SSUH2: variants seen among roughly 807,000 people sequenced by gnomAD.
SSUH2 encodes the protein ssu-2 homolog.
SSUH2 carries 47 observed loss-of-function variants against 55.3 expected under a neutral mutation model. That is an observed-to-expected ratio of 0.85 (90% CI 0.67 to 1.08). SSUH2 has a LOEUF of 1.08. SSUH2 is among the 50% of genes least tolerant of loss of function. SSUH2 has a pLI of 0.00. For synonymous variants in SSUH2, 212 were observed against 191.5 expected, an observed-to-expected ratio of 1.11 and a Z score of -0.89; for missense variants, 535 against 490.7, an observed-to-expected ratio of 1.09 and a Z score of -0.85.
intron 5 of SSUH2, among the ~76,000 whole-genome samples, chr3:8,666,408 C>A (rs1004585391): frequency 6.6e-6 from 1 of 152,144 alleles, no homozygotes; most frequent in Non-Finnish European, 1.5e-5. Flanking sequence ...TTAGGCTGGG[C>A]TCCTGAGATG....
chr3:8,640,138 T>C (rs1700592177), intron 1 of SSUH2: 1 of 346,876 alleles, frequency 2.9e-6, no homozygotes, highest in Non-Finnish European at 4.0e-6. Context: ...GTGAAAGGGG[T>C]TCCAGAGAAG....
intron 3 of SSUH2, among the ~76,000 whole-genome samples, chr3:8,672,806 A>G (rs1575383493): frequency 6.6e-6 from 1 of 152,160 alleles, no homozygotes; most frequent in Non-Finnish European, 1.5e-5. Context: ...ATGAGGAGGA[A>G]TATCACCAGG....
Position 8,679,127 on chromosome 3 carries a change from CG to C in SSUH2, c.-901+577del, listed in dbSNP as rs1553607037. 2.7e-4 allele frequency among the ~76,000 whole-genome samples: 23 copies of C among 85,978 alleles called. 7 individuals are homozygous for C. Among genetic ancestry groups the C allele is most frequent in the Admixed American group, 2.4e-3 (22 of 8,994 alleles). 56.4% of individuals were successfully genotyped at this position (85,978 alleles called of 152,430 possible). On this transcript the variant is annotated intron_variant, in intron 2 of 18. Transcript: ENST00000317371. ...CCCCTGGCTCTTAGGACCCAAATTG[CG>C]GGGGGGAGGCACCCCCGCGAGGCGG...
Position 8,635,816 on chromosome 3 carries a change from G to A in SSUH2, c.70C>T (p.Pro24Ser), listed in dbSNP as rs1292187213. The change falls in exon 2 of 12, where the codon CCC (proline) becomes TCC (serine). Residue 24 changes from proline to serine, a missense_variant. Coordinates refer to ENST00000544814, the MANE Select transcript of SSUH2 (RefSeq NM_001256748.3). ...LSFEAESPLAPPTELLERLPS... is the reference protein window; with the variant it reads ...LSFEAESPLASPTELLERLPS... ...AGTCTCTCCAGGAGCTCTGTGGGGG[G>A]CGCCAGAGGACTCTCGGCCTCAAAA... 6.5e-7 allele frequency: 1 copy of A among 1,536,018 alleles called. No homozygotes were observed. Among genetic ancestry groups the A allele is most frequent in the Non-Finnish European group, 8.7e-7 (1 of 1,146,860 alleles).
chr3:8,676,213 C>T (rs1394610189), intron 3 of SSUH2, among the ~76,000 whole-genome samples: 1 of 151,912 alleles, frequency 6.6e-6, no homozygotes, highest in Non-Finnish European at 1.5e-5. Context: ...GGTGTACACA[C>T]TCGGTGTACA....
At chr3:8,634,004 C>A in intron 3 of SSUH2, 1 of 1,533,040 alleles carries the variant, frequency 6.5e-7, no homozygotes, top group Admixed American at 1.9e-5. Context: ...TCCTAGAGAA[C>A]AGCCAAAAAC....
chr3:8,639,446 G>C (rs1700470179), intron 1 of SSUH2, among the ~76,000 whole-genome samples: 1 of 152,180 alleles, frequency 6.6e-6, no homozygotes, highest in Non-Finnish European at 1.5e-5. Context: ...ATAGCACTTA[G>C]AGCTCAGATC....
At chr3:8,629,522 G>T in intron 7 of SSUH2, 142 bp downstream of exon 7, 1 of 674,276 alleles carries the variant, frequency 1.5e-6, no homozygotes. Flanking sequence ...CGGGAAAATG[G>T]AGGCCCAGAA....
At chr3:8,667,702 C>T (rs1174955970) in intron 5 of SSUH2, among the ~76,000 whole-genome samples, 1 of 152,204 alleles carries the variant, frequency 6.6e-6, no homozygotes, top group Non-Finnish European at 1.5e-5. Context: ...ACTTGACCTT[C>T]AGCCCCTCTC....
intron 6 of SSUH2, chr3:8,663,629 G>T: frequency 3.2e-6 from 1 of 311,344 alleles, no homozygotes; most frequent in Non-Finnish European, 6.5e-6. Context: ...GAATTCCAAG[G>T]TCAGTTAGAC....
intron 3 of SSUH2, among the ~76,000 whole-genome samples, chr3:8,673,415 C>T (rs1449334028): frequency 6.6e-6 from 1 of 152,074 alleles, no homozygotes; most frequent in East Asian, 1.9e-4. Context: ...CACTGAGAGA[C>T]CAGCGGTATA....
chr3:8,640,211 G>T, intron 1 of SSUH2: 1 of 156,014 alleles, frequency 6.4e-6, no homozygotes, highest in Non-Finnish European at 1.4e-5. Flanking sequence ...CTTACAAATG[G>T]CTAAGATGGC....
intron 3 of SSUH2, chr3:8,634,695 C>T: frequency 1.3e-6 from 1 of 781,434 alleles, no homozygotes; most frequent in Non-Finnish European, 1.9e-6. Flanking sequence ...TTGCTTCTGG[C>T]AGCAGCAGGG....
chr3:8,638,495 C>T (rs917176572), intron 1 of SSUH2, among the ~76,000 whole-genome samples: 7 of 152,276 alleles, frequency 4.6e-5, no homozygotes, highest in South Asian at 2.1e-4. Flanking sequence ...ACATTTTGAC[C>T]GGAGTCAGAA....
chr3:8,647,997 G>A (rs529648040), upstream of SSUH2, among the ~76,000 whole-genome samples: 6 of 152,270 alleles, frequency 3.9e-5, no homozygotes, highest in African/African-American at 1.4e-4. Flanking sequence ...CTCTCTCTGG[G>A]AGCCAGGGAA....
intron 11 of SSUH2, 81 bp downstream of exon 11, chr3:8,623,468 C>T (rs372563322): frequency 1.5e-5 from 13 of 890,422 alleles, no homozygotes; most frequent in African/African-American, 9.9e-5. Context: ...CTCATCCTTC[C>T]GCTCCGACGT....
At chr3:8,679,676 T>C (rs1204430282) in intron 2 of SSUH2, 11 of 203,044 alleles carry the variant, frequency 5.4e-5, no homozygotes, top group East Asian at 1.9e-4. Flanking sequence ...AGGACCCCCA[T>C]CGCGGATTCT....
chr3:8,678,667 G>A (rs3885280), intron 2 of SSUH2, among the ~76,000 whole-genome samples: 3,225 of 38,340 alleles, frequency 0.084, 962 homozygotes, highest in African/African-American at 0.27. Flanking sequence ...CACCCCCCGC[G>A]AGGCGGGGAT....
chr3:8,623,077 G>T (rs976714912), intron 11 of SSUH2, among the ~76,000 whole-genome samples: 1 of 152,196 alleles, frequency 6.6e-6, no homozygotes, highest in Non-Finnish European at 1.5e-5. Flanking sequence ...TGGGGATGTA[G>T]CAGCCACCAC....
Sources: gnomAD v4.1 joint callset for allele counts (sites outside exome capture counted in the v4.1 genomes callset) on GRCh38, gnomAD v4.1.1 for gene constraint, MANE v1.5 for transcripts, NCBI Gene and HGNC (gene_info 2026-07-23, HGNC 2026-07-21) for gene names.